RBM27: variants seen among roughly 807,000 people sequenced by gnomAD.
RBM27 encodes the protein RNA binding motif protein 27.
In RBM27, 22 loss-of-function variants were observed where a neutral mutation model predicts 135.3. The ratio of observed to expected loss-of-function variants is 0.16; its 90% CI spans 0.12 to 0.23. RBM27 has a LOEUF of 0.23. RBM27 is among the 10% of genes least tolerant of loss of function. The pLI is 1.00. For synonymous variants in RBM27, 481 were observed against 442.4 expected (o/e 1.09, Z -1.10); for missense variants, 1,009 against 1,281.0 (o/e 0.79, Z 3.24).
At position 146,229,797 on chromosome 5, in the gene RBM27, A is replaced by C. The variant is rs758451894; in HGVS notation, c.476A>C (p.Lys159Thr). Residue 159 changes from lysine to threonine, a missense_variant, in exon 5 of 21, where the codon AAG (lysine) becomes ACG (threonine). Around this residue, in one of 6 missense-constraint regions of RBM27, gnomAD observed 268 missense variants for 326.6 expected, o/e 0.82. Transcript: ENST00000265271. Reference sequence around the variant, plus strand: ...GAGCGGAATGAATTGTACCGTGAGAAGTATGACTGGAGAAGAGGCAGGAGT... The same window carrying C: ...GAGCGGAATGAATTGTACCGTGAGACGTATGACTGGAGAAGAGGCAGGAGT... Reference protein sequence around the residue: ...YYERNELYREKYDWRRGRSKS... With the variant: ...YYERNELYRETYDWRRGRSKS... 2.5e-6 allele frequency: 4 copies of C among 1,613,950 alleles called. No individual in the cohort carries two copies. The highest frequency in any genetic ancestry group is 2.2e-5 in the East Asian group (1 of 44,884).
intron 8 of RBM27, 89 bp downstream of exon 8, chr5:146,237,521 T>G: frequency 7.3e-7 from 1 of 1,376,698 alleles, no homozygotes; most frequent in Non-Finnish European, 1.0e-6. Flanking sequence ...AAATGGTAAA[T>G]AGTTTCTGTT....
chr5:146,241,017 C>T (rs749297948), intron 8 of RBM27, among the ~76,000 whole-genome samples: 10 of 152,094 alleles, frequency 6.6e-5, no homozygotes, highest in Non-Finnish European at 1.3e-4. Flanking sequence ...TCTATTTCCC[C>T]CCGAATCAGC....
chr5:146,212,221 A>C (rs1283877214), intron 1 of RBM27, among the ~76,000 whole-genome samples: 1 of 152,064 alleles, frequency 6.6e-6, no homozygotes, highest in East Asian at 1.9e-4. Flanking sequence ...ACGCCTGGCT[A>C]ATTTTTGTAT....
Position 146,269,577 on chromosome 5 carries a change from A to C in RBM27, c.2684A>C (p.Lys895Thr), listed in dbSNP as rs1452305198. 1 of 1,534,130 alleles carries C rather than the reference A, an allele frequency of 6.5e-7. No individual in the cohort carries two copies. The highest frequency in any genetic ancestry group is 8.7e-7 in the Non-Finnish European group (1 of 1,150,244). ...AVSTPSKVKT[K>T]TEAQKELLDT... ...TCCACACCATCTAAAGTGAAGACAA[A>C]AACGGAGGTATCTATTTGCATTTTT... Residue 895 changes from lysine to threonine, a missense_variant, in exon 17 of 21, where the codon AAA becomes ACA. Lys to Thr is a moderately conservative substitution (Grantham distance 78, BLOSUM62 -1). This residue lies in a region of RBM27 where 355 missense variants were observed against 427.3 expected (regional missense o/e 0.83). Transcript: ENST00000265271.
intron 19 of RBM27, among the ~76,000 whole-genome samples, chr5:146,280,706 T>G (rs1360442845): frequency 1.3e-5 from 2 of 152,230 alleles, no homozygotes; most frequent in East Asian, 3.9e-4. Context: ...ATACTTATGG[T>G]GTTTTGTGGT....
At chr5:146,237,489 CAT>C (rs780240466) in intron 8 of RBM27, 57 bp downstream of exon 8, 15 of 1,553,262 alleles carry the variant, frequency 9.7e-6, no homozygotes, top group Non-Finnish European at 1.3e-5. Context: ...CAAGTTGTCT[CAT>C]ATCAGTATAA....
At chr5:146,224,688 GA>G (rs199952797) in intron 3 of RBM27, among the ~76,000 whole-genome samples, 80 of 145,880 alleles carry the variant, frequency 5.5e-4, no homozygotes, top group Admixed American at 1.2e-3. Flanking sequence ...GCCTCAGAAA[GA>G]AAAAAAAAAA....
At position 146,263,814 on chromosome 5, in the gene RBM27, T is replaced by G. The variant is rs573440338; in HGVS notation, c.2331+183T>G. 7.2e-5 allele frequency among the ~76,000 whole-genome samples: 11 copies of G among 152,202 alleles called. No individual in the cohort carries two copies. In the East Asian group the frequency reaches 2.1e-3, roughly 29 times the overall value. On this transcript the variant is annotated intron_variant, in intron 14 of 20. Coordinates refer to ENST00000265271, the MANE Select transcript of RBM27 (RefSeq NM_018989.2). ...GTGAAATTTTTTTCCTATTCAAAAT[T>G]AAGTAGGAGGCTGGGCGTGGTGGCT...
intron 8 of RBM27, among the ~76,000 whole-genome samples, chr5:146,242,130 G>A (rs1472164591): frequency 6.6e-6 from 1 of 152,038 alleles, no homozygotes. Context: ...TCTTTTGTAT[G>A]TAGAGGCAGG....
At chr5:146,275,743 C>G (rs1372917845) in intron 19 of RBM27, among the ~76,000 whole-genome samples, 1 of 152,162 alleles carries the variant, frequency 6.6e-6, no homozygotes, top group Non-Finnish European at 1.5e-5. Context: ...GGGACAAAAA[C>G]TAAAGTACTT....
intron 1 of RBM27, among the ~76,000 whole-genome samples, chr5:146,213,102 T>TTTG (rs1202108606): frequency 1.3e-5 from 2 of 151,940 alleles, no homozygotes; most frequent in East Asian, 3.9e-4. Flanking sequence ...ATGGATTTTT[T>TTTG]TTGTTGTTGT....
Position 146,269,587 on chromosome 5 carries a change from A to G in RBM27, c.2691+3A>G, listed in dbSNP as rs764288255. Reference sequence around the variant, plus strand: ...CTAAAGTGAAGACAAAAACGGAGGTATCTATTTGCATTTTTTATTTAACAT... The same window carrying G: ...CTAAAGTGAAGACAAAAACGGAGGTGTCTATTTGCATTTTTTATTTAACAT... On this transcript the variant is annotated splice_donor_region_variant and intron_variant, in intron 17 of 20. Coordinates refer to ENST00000265271, the MANE Select transcript of RBM27 (RefSeq NM_018989.2). 4.1e-5 allele frequency: 62 copies of G among 1,520,588 alleles called. No homozygotes were observed. In the Admixed American group the frequency reaches 5.2e-4, roughly 13 times the overall value. 94.2% of individuals were successfully genotyped at this position (1,520,588 alleles called of 1,614,324 possible). A position where few individuals can be genotyped will look rare whatever the true frequency, so the allele number is the denominator to read the frequency against.
At chr5:146,237,663 T>G (rs967900006) in intron 8 of RBM27, among the ~76,000 whole-genome samples, 9 of 152,222 alleles carry the variant, frequency 5.9e-5, no homozygotes, top group African/African-American at 2.2e-4. Flanking sequence ...AATTTTACTC[T>G]GCCATGGAGT....
rs201269296 is a variant in RBM27, at chr5:146,284,598, A to G, written c.2989-24A>G. ...TTAGTAAATTTGAGTGCAAACTTGTATGTTCTTCTAATATATATTTTAGAC... is the reference window on the plus strand; with the variant it reads ...TTAGTAAATTTGAGTGCAAACTTGTGTGTTCTTCTAATATATATTTTAGAC... On this transcript the variant is annotated intron_variant, in intron 19 of 20. Transcript: ENST00000265271. The G allele has an allele frequency of 4.1e-4, 590 of 1,443,420 alleles. 2 individuals carry two copies. Among genetic ancestry groups the G allele is most frequent in the South Asian group, 8.4e-4 (72 of 85,208 alleles). The allele number at this position is 1,443,420 out of a possible 1,614,324, so 89.4% of individuals were successfully genotyped here. A position where few individuals can be genotyped will look rare whatever the true frequency, so the allele number is the denominator to read the frequency against.
At chr5:146,245,437 A>G (rs1378470002) in intron 8 of RBM27, among the ~76,000 whole-genome samples, 1 of 152,202 alleles carries the variant, frequency 6.6e-6, no homozygotes, top group Non-Finnish European at 1.5e-5. Context: ...AAAAAGTAAG[A>G]GTAGCAGGTA....
At chr5:146,284,227 A>G (rs1352262725) in intron 19 of RBM27, among the ~76,000 whole-genome samples, 1 of 152,200 alleles carries the variant, frequency 6.6e-6, no homozygotes, top group Non-Finnish European at 1.5e-5. Context: ...GAGATGAATA[A>G]GCAGATGATT....
intron 10 of RBM27, among the ~76,000 whole-genome samples, chr5:146,256,271 G>A (rs895686771): frequency 3.4e-5 from 5 of 145,620 alleles, no homozygotes; most frequent in Non-Finnish European, 7.5e-5. Context: ...TACACCAAAT[G>A]CCTTCTCATA....
intron 1 of RBM27, among the ~76,000 whole-genome samples, chr5:146,207,080 A>G (rs933908952): frequency 6.6e-6 from 1 of 152,164 alleles, no homozygotes; most frequent in Non-Finnish European, 1.5e-5. Flanking sequence ...ACTTTTTTGC[A>G]TATTCCAGAT....
intron 14 of RBM27, among the ~76,000 whole-genome samples, chr5:146,264,015 G>A (rs1437054157): frequency 1.3e-5 from 2 of 151,038 alleles, no homozygotes; most frequent in Admixed American, 6.6e-5. Flanking sequence ...GCTGAGGCAC[G>A]AGAATCACTT....
Sources: allele counts gnomAD v4.1 joint callset (sites outside exome capture counted in the v4.1 genomes callset), GRCh38; gene constraint gnomAD v4.1.1; regional missense constraint gnomAD v4.1.1; transcripts MANE v1.5; gene names NCBI Gene and HGNC (gene_info 2026-07-23, HGNC 2026-07-21).